The following KLHL7 variants were observed in gnomAD, a reference collection of about 807,000 sequenced individuals.
The protein encoded by KLHL7 is kelch-like protein 7.
KLHL7 carries 44 observed loss-of-function variants against 67.4 expected under a neutral mutation model. That is an observed-to-expected ratio of 0.65 (90% CI 0.51 to 0.84). The LOEUF is 0.84. KLHL7 is among the 40% of genes least tolerant of loss of function. KLHL7 has a pLI of 0.00. For synonymous variants in KLHL7, 252 were observed against 243.3 expected (o/e 1.04, Z -0.33); for missense variants, 362 against 718.1 (o/e 0.50, Z 5.67).
intron 4 of KLHL7, among the ~76,000 whole-genome samples, chr7:23,139,138 G>C (rs1205571386): frequency 6.6e-6 from 1 of 151,256 alleles, no homozygotes; most frequent in African/African-American, 2.4e-5. Context: ...GGGGATAGTG[G>C]GAAAGGTTAT....
chr7:23,145,059 C>T (rs918220563), intron 6 of KLHL7, among the ~76,000 whole-genome samples: 3 of 152,142 alleles, frequency 2.0e-5, no homozygotes, highest in African/African-American at 4.8e-5. Flanking sequence ...GATCCTGCCA[C>T]TGCACTGCTA....
chr7:23,139,166 AG>A (rs1784093940), intron 4 of KLHL7, among the ~76,000 whole-genome samples: 1 of 152,040 alleles, frequency 6.6e-6, no homozygotes, highest in Non-Finnish European at 1.5e-5. Context: ...TGGTGACAAC[AG>A]GGACATGGGA....
At chr7:23,121,691 T>C (rs947071537) in intron 1 of KLHL7, among the ~76,000 whole-genome samples, 1 of 150,946 alleles carries the variant, frequency 6.6e-6, no homozygotes, top group Non-Finnish European at 1.5e-5. Flanking sequence ...TTTTTTTTTT[T>C]TTTTTAGTTG....
intron 1 of KLHL7, among the ~76,000 whole-genome samples, chr7:23,113,836 C>T (rs1403422122): frequency 6.6e-6 from 1 of 151,946 alleles, no homozygotes; most frequent in Non-Finnish European, 1.5e-5. Context: ...CAAAAAAACC[C>T]CCCGAATATT....
At chr7:23,145,449 T>G (rs950407114) in intron 6 of KLHL7, among the ~76,000 whole-genome samples, 4 of 152,316 alleles carry the variant, frequency 2.6e-5, no homozygotes. Flanking sequence ...AGAGTTTCCT[T>G]TTCCTTTTTT....
At chr7:23,153,229 G>T (rs943782927) in intron 7 of KLHL7, among the ~76,000 whole-genome samples, 10 of 152,014 alleles carry the variant, frequency 6.6e-5, no homozygotes, top group Non-Finnish European at 1.3e-4. Flanking sequence ...GGCGGCGGGG[G>T]GGCTACAACG....
At chr7:23,124,332 G>T (rs1489169025) in intron 2 of KLHL7, among the ~76,000 whole-genome samples, 1 of 147,860 alleles carries the variant, frequency 6.8e-6, no homozygotes, top group African/African-American at 2.5e-5. Context: ...GTAGCATATT[G>T]TGCCAGAAAG....
chr7:23,146,136 A>G (rs1264756076), intron 6 of KLHL7, among the ~76,000 whole-genome samples: 3 of 152,204 alleles, frequency 2.0e-5, no homozygotes, highest in African/African-American at 7.2e-5. Context: ...CTACAGTGGT[A>G]CAGGTACAGT....
At chr7:23,130,857 G>A (rs1225048823) in intron 4 of KLHL7, among the ~76,000 whole-genome samples, 2 of 152,154 alleles carry the variant, frequency 1.3e-5, no homozygotes, top group South Asian at 2.1e-4. Context: ...TTGTTGTTAC[G>A]AAATAGAAAT....
chr7:23,158,026 C>T (rs1018820127), intron 7 of KLHL7, among the ~76,000 whole-genome samples: 2 of 152,150 alleles, frequency 1.3e-5, no homozygotes, highest in Admixed American at 6.5e-5. Context: ...CGTGCAGTGG[C>T]ACGGCCGTGG....
Position 23,106,017 on chromosome 7 carries a change from C to G in KLHL7, c.-10C>G, listed in dbSNP as rs1782619008. ...CGGCGAGCCCCGGGCGTGAACCGAG[C>G]TGAGGGAGGATGGCAGCCTCTGGGG... On this transcript the variant is annotated 5_prime_UTR_variant, in exon 1 of 11. Coordinates refer to ENST00000339077, the MANE Select transcript of KLHL7 (RefSeq NM_001031710.3). 1 of 1,609,312 alleles carries G rather than the reference C, an allele frequency of 6.2e-7. No individual in the cohort carries two copies. Among genetic ancestry groups the G allele is most frequent in the South Asian group, 1.1e-5 (1 of 89,988 alleles).
intron 5 of KLHL7, among the ~76,000 whole-genome samples, chr7:23,141,715 C>A (rs11975594): frequency 6.6e-6 from 1 of 152,020 alleles, no homozygotes; most frequent in African/African-American, 2.4e-5. Context: ...CTCCTTCTCC[C>A]GAGTTCACGC....
At chr7:23,141,501 T>C (rs1247807980) in intron 5 of KLHL7, among the ~76,000 whole-genome samples, 1 of 152,268 alleles carries the variant, frequency 6.6e-6, no homozygotes, top group Non-Finnish European at 1.5e-5. Flanking sequence ...CTGGTTTTAG[T>C]CCACTGTGAC....
chr7:23,173,816 T>A (rs573755222), intron 10 of KLHL7, among the ~76,000 whole-genome samples, 199 bp from the exon 11 acceptor site: 1 of 152,274 alleles, frequency 6.6e-6, no homozygotes, highest in African/African-American at 2.4e-5. Context: ...TAAAAAGAAA[T>A]ATTAAATGTC....
At position 23,125,259 on chromosome 7, in the gene KLHL7, A is replaced by G. The variant is rs751163910; in HGVS notation, c.442+87A>G. On this transcript the variant is annotated intron_variant, in intron 4 of 10. Transcript: ENST00000339077. ...TTTTTTAAAAAGGCTGATTTTAAGT[A>G]TCCGCATTTAACCTTAAAGACATTG... 28 of 1,376,580 alleles carry G rather than the reference A, an allele frequency of 2.0e-5. 1 individual carries two copies. The South Asian group carries it at 3.4e-4, about 17-fold the overall frequency. 85.3% of individuals were successfully genotyped at this position (1,376,580 alleles called of 1,614,324 possible).
intron 4 of KLHL7, chr7:23,129,398 G>T: frequency 2.6e-6 from 1 of 387,926 alleles, no homozygotes; most frequent in South Asian, 2.2e-5. Context: ...TTACGACTCG[G>T]CTGGCCCTTC....
At chr7:23,170,139 G>A (rs1380932615) in intron 9 of KLHL7, among the ~76,000 whole-genome samples, 5 of 152,202 alleles carry the variant, frequency 3.3e-5, no homozygotes, top group Admixed American at 2.6e-4. Context: ...ATTTGAACCC[G>A]GGAGGTGGAG....
At chr7:23,153,568 G>A (rs1386760058) in intron 7 of KLHL7, among the ~76,000 whole-genome samples, 1 of 152,194 alleles carries the variant, frequency 6.6e-6, no homozygotes, top group Non-Finnish European at 1.5e-5. Flanking sequence ...CTTGGTGTTA[G>A]ACATTTGCCA....
At chr7:23,172,178 G>A (rs1480021105) in intron 9 of KLHL7, 2 of 456,358 alleles carry the variant, frequency 4.4e-6, no homozygotes, top group Non-Finnish European at 8.8e-6. Context: ...AATCACAAAT[G>A]TCAGTCTTGG....
Sources: allele counts gnomAD v4.1 joint callset (sites outside exome capture counted in the v4.1 genomes callset), GRCh38; gene constraint gnomAD v4.1.1; transcripts MANE v1.5; gene names NCBI Gene and HGNC (gene_info 2026-07-23, HGNC 2026-07-21).